Variants in HIBCH observed in about 807,000 individuals in gnomAD.
The protein encoded by HIBCH is 3-hydroxyisobutyryl-CoA hydrolase, also known as 3-hydroxyisobutyryl-CoA hydrolase, mitochondrial.
In HIBCH, 50 loss-of-function variants were observed where a neutral mutation model predicts 58.2. That is an observed-to-expected ratio of 0.86 (90% CI 0.68 to 1.09). The LOEUF is 1.09. HIBCH is among the 50% of genes least tolerant of loss of function. HIBCH has a pLI of 0.00. For synonymous variants in HIBCH, 151 were observed against 146.9 expected (o/e 1.03, Z -0.20); for missense variants, 450 against 449.7 (o/e 1.00, Z -0.01).
In HIBCH at chr2:190,303,473, T is replaced by C. The variant is rs145278494; in HGVS notation, c.79-6520A>G. 5.4e-5 allele frequency among the ~76,000 whole-genome samples: 8 copies of C among 148,918 alleles called. No individual in the cohort carries two copies. In the East Asian group the frequency reaches 1.4e-3, roughly 25 times the overall value. On this transcript the variant is annotated intron_variant, in intron 2 of 13. Coordinates refer to ENST00000359678, the MANE Select transcript of HIBCH (RefSeq NM_014362.4). The stretch of plus-strand genomic sequence containing the variant: ...AAAAAAAATTAAAAGGATGGGGTCA[T>C]ATGAAAGAAATACAAAAGCCAAAAT...
chr2:190,313,656 AAAAAAAAAG>A (rs1254024536), intron 1 of HIBCH, among the ~76,000 whole-genome samples: 1 of 148,546 alleles, frequency 6.7e-6, no homozygotes, highest in African/African-American at 2.5e-5. Flanking sequence ...AAAAAAAAAA[AAAAAAAAAG>A]GAATCACCTG....
At chr2:190,257,017 GA>G (rs1158278759) in intron 7 of HIBCH, among the ~76,000 whole-genome samples, 1 of 152,060 alleles carries the variant, frequency 6.6e-6, no homozygotes, top group East Asian at 1.9e-4. Flanking sequence ...GGAATGGGTG[GA>G]AAAAAAGTAT....
intron 8 of HIBCH, among the ~76,000 whole-genome samples, chr2:190,250,990 A>G (rs1396817051): frequency 2.0e-5 from 3 of 152,232 alleles, no homozygotes; most frequent in Non-Finnish European, 2.9e-5. Flanking sequence ...CTCACATGAT[A>G]GTCTAACTGT....
chr2:190,228,186 T>C (rs1287606649), intron 11 of HIBCH, among the ~76,000 whole-genome samples: 2 of 151,860 alleles, frequency 1.3e-5, no homozygotes, highest in African/African-American at 2.4e-5. Flanking sequence ...ATTAAGAAAA[T>C]GTGGCACATA....
At chr2:190,265,152 T>TAAAAAAAA (rs1687198450) in intron 6 of HIBCH, among the ~76,000 whole-genome samples, 4 of 118,408 alleles carry the variant, frequency 3.4e-5, no homozygotes, top group African/African-American at 1.6e-4. Context: ...AAAAAAAAAG[T>TAAAAAAAA]ATTGACTCAT....
At chr2:190,269,693 C>T (rs1687336940) in intron 6 of HIBCH, among the ~76,000 whole-genome samples, 1 of 151,944 alleles carries the variant, frequency 6.6e-6, no homozygotes. Context: ...AACCAGAAAC[C>T]CCATTTGACC....
At chr2:190,291,972 A>G (rs1559055956) in intron 4 of HIBCH, among the ~76,000 whole-genome samples, 1 of 152,042 alleles carries the variant, frequency 6.6e-6, no homozygotes, top group Non-Finnish European at 1.5e-5. Context: ...CTAACTCTAG[A>G]ATTCTCTTGT....
intron 2 of HIBCH, among the ~76,000 whole-genome samples, chr2:190,307,285 T>A (rs921011410): frequency 1.3e-5 from 2 of 152,202 alleles, no homozygotes; most frequent in African/African-American, 4.8e-5. Flanking sequence ...TACTACTTTC[T>A]AAAAGGACAA....
intron 11 of HIBCH, among the ~76,000 whole-genome samples, chr2:190,231,154 T>C (rs1399409441): frequency 6.6e-6 from 1 of 152,162 alleles, no homozygotes; most frequent in Non-Finnish European, 1.5e-5. Context: ...AACAATTATA[T>C]AATAATGTGG....
chr2:190,309,996 G>A (rs1688517129), intron 2 of HIBCH, among the ~76,000 whole-genome samples: 1 of 152,194 alleles, frequency 6.6e-6, no homozygotes, highest in Admixed American at 6.5e-5. Context: ...GTCTGAGTGG[G>A]CACCATCTAA....
intron 3 of HIBCH, among the ~76,000 whole-genome samples, chr2:190,295,746 C>T (rs1428930472): frequency 6.6e-6 from 1 of 152,128 alleles, no homozygotes; most frequent in Non-Finnish European, 1.5e-5. Flanking sequence ...CAACATTTGG[C>T]TTATTTCTAT....
chr2:190,309,803 C>T (rs991522397), intron 2 of HIBCH, among the ~76,000 whole-genome samples: 2 of 152,066 alleles, frequency 1.3e-5, no homozygotes, highest in Non-Finnish European at 2.9e-5. Flanking sequence ...TCATGATCCA[C>T]CCACCTCGGC....
At chr2:190,263,789 C>G (rs1205446081) in intron 6 of HIBCH, among the ~76,000 whole-genome samples, 2 of 152,092 alleles carry the variant, frequency 1.3e-5, no homozygotes, top group Non-Finnish European at 2.9e-5. Context: ...TCAGCATTAC[C>G]TTCTTTCCTT....
intron 6 of HIBCH, among the ~76,000 whole-genome samples, chr2:190,269,189 TA>T (rs1687321609): frequency 6.6e-6 from 1 of 152,148 alleles, no homozygotes; most frequent in South Asian, 2.1e-4. Context: ...ACTTCATGAC[TA>T]AAACAGCAAA....
chr2:190,310,459 C>G (rs1448266866), intron 2 of HIBCH, among the ~76,000 whole-genome samples: 1 of 152,102 alleles, frequency 6.6e-6, no homozygotes, highest in Non-Finnish European at 1.5e-5. Context: ...TATTATTATT[C>G]TCACTTTATA....
At chr2:190,192,678 C>T (rs565497473) in intron 1 of HIBCH, among the ~76,000 whole-genome samples, 10 of 152,134 alleles carry the variant, frequency 6.6e-5, no homozygotes, top group African/African-American at 2.4e-4. Context: ...AGGTTCTTTA[C>T]TTTTTCTCAG....
intron 2 of HIBCH, among the ~76,000 whole-genome samples, chr2:190,308,346 G>A (rs1270533884): frequency 1.3e-5 from 2 of 152,126 alleles, no homozygotes; most frequent in Admixed American, 1.3e-4. Context: ...GTAGTGCTAT[G>A]GTTCGAGTAT....
rs2582764 is a variant in HIBCH, at chr2:190,268,347, C to A, written c.439-7113G>T. ...AACTGCGTTATTATTAAACAATCATCTTCACATAGTAATACAATCTACTAT... is the reference window on the plus strand; with the variant it reads ...AACTGCGTTATTATTAAACAATCATATTCACATAGTAATACAATCTACTAT... On this transcript the variant is annotated intron_variant, in intron 6 of 13. Coordinates refer to ENST00000359678, the MANE Select transcript of HIBCH (RefSeq NM_014362.4). Among the ~76,000 whole-genome samples, 1,361 of 152,262 alleles carry A rather than the reference C, an allele frequency of 8.9e-3. 35 individuals carry two copies. The highest frequency in any genetic ancestry group is 0.03 in the African/African-American group (1,252 of 41,544).
chr2:190,289,388 T>C (rs544126981), intron 5 of HIBCH, among the ~76,000 whole-genome samples: 36 of 152,316 alleles, frequency 2.4e-4, no homozygotes, highest in Non-Finnish European at 5.0e-4. Context: ...GTTAATATCA[T>C]GTATTCAATC....
Sources: allele counts gnomAD v4.1 joint callset (sites outside exome capture counted in the v4.1 genomes callset), GRCh38; gene constraint gnomAD v4.1.1; transcripts MANE v1.5; gene names NCBI Gene and HGNC (gene_info 2026-07-23, HGNC 2026-07-21).